KIAA2013: variants seen among roughly 807,000 people sequenced by gnomAD.
The protein encoded by KIAA2013 is uncharacterized protein KIAA2013.
A neutral mutation model predicts 39.9 loss-of-function variants in KIAA2013; 20 were observed. That is an observed-to-expected ratio of 0.50 (90% CI 0.35 to 0.73). The LOEUF (loss-of-function observed/expected upper bound fraction) is 0.73, where lower values mean the gene tolerates loss of function less well. Ranked by LOEUF, KIAA2013 falls within the 30% of genes least tolerant of loss-of-function variation. KIAA2013 has a pLI of 0.01. For missense variants in KIAA2013, 587 were observed against 856.1 expected, an observed-to-expected ratio of 0.69 and a Z score of 3.92; for synonymous variants, 336 against 416.6, an observed-to-expected ratio of 0.81 and a Z score of 2.35.
Position 11,926,053 on chromosome 1 carries a change from G to C in KIAA2013, c.185C>G (p.Pro62Arg), listed in dbSNP as rs1351195396. 3.1e-5 allele frequency: 46 copies of C among 1,468,542 alleles called. No homozygotes were observed. Among genetic ancestry groups the C allele is most frequent in the Non-Finnish European group, 3.8e-5 (43 of 1,119,194 alleles). 91.0% of individuals were successfully genotyped at this position (1,468,542 alleles called of 1,614,324 possible). A position where few individuals can be genotyped will look rare whatever the true frequency, so the allele number is the denominator to read the frequency against. The change falls in exon 1 of 3, where the codon CCG (proline) becomes CGG (arginine). Residue 62 changes from proline (P) to arginine (R), a missense_variant. Transcript: ENST00000376572. ...WSRGEPGAAEPSACLEAATRA... is the reference protein window; with the variant it reads ...WSRGEPGAAERSACLEAATRA... The stretch of plus-strand genomic sequence containing the variant: ...GGTGGCCGCCTCCAGGCAGGCAGAC[G>C]GCTCGGCGGCGCCCGGCTCACCGCG...
At chr1:11,922,389 G>C in intron 2 of KIAA2013, 1 of 1,437,330 alleles carries the variant, frequency 7.0e-7, no homozygotes, top group Non-Finnish European at 9.1e-7. Flanking sequence ...TTTATGATGC[G>C]GGAGGAGGGG....
Position 11,926,295 on chromosome 1 carries a change from C to A in KIAA2013, c.-58G>T. On this transcript the variant is annotated 5_prime_UTR_variant, in exon 1 of 3. Transcript: ENST00000376572. ...CGGCCGCCGGGCCCGCCGCCCAGCC[C>A]ACCGGCCCGGCCGCCCGCGCCTCAC... is the stretch of plus-strand genomic sequence containing the variant. The A allele has an allele frequency of 1.1e-6, 1 of 917,198 alleles. No homozygotes were observed. Among genetic ancestry groups the A allele is most frequent in the Non-Finnish European group, 1.3e-6 (1 of 758,078 alleles). The allele number at this position is 917,198 out of a possible 1,614,324, so 56.8% of individuals were successfully genotyped here.
intron 2 of KIAA2013, 108 bp from the exon 3 acceptor site, chr1:11,920,440 G>T: frequency 3.5e-6 from 4 of 1,152,448 alleles, no homozygotes; most frequent in South Asian, 2.5e-5. Flanking sequence ...CCCTGGCTCT[G>T]ACCCAGCCTT....
At chr1:11,920,474 G>T in intron 2 of KIAA2013, 142 bp from the exon 3 acceptor site, 1 of 837,908 alleles carries the variant, frequency 1.2e-6, no homozygotes, top group Non-Finnish European at 2.0e-6. Context: ...GGACTCAGTG[G>T]CCTGGGCCCT....
In KIAA2013 at chr1:11,926,066, C is replaced by T. The variant is rs1645505560; in HGVS notation, c.172G>A (p.Gly58Ser). Reference protein sequence around the residue: ...HLLPWSRGEPGAAEPSACLEA... With the variant: ...HLLPWSRGEPSAAEPSACLEA... ...AGGCAGGCAGACGGCTCGGCGGCGC[C>T]CGGCTCACCGCGGGACCAGGGCAGC... The change falls in exon 1 of 3, where the codon GGC (glycine) becomes AGC (serine). Residue 58 changes from glycine to serine, a missense_variant. Transcript: ENST00000376572. The T allele has an allele frequency of 2.1e-6, 3 of 1,456,660 alleles. No homozygotes were observed. The African/African-American group carries it at 4.5e-5, about 22-fold the overall frequency. 90.2% of individuals were successfully genotyped at this position (1,456,660 alleles called of 1,614,324 possible). A position where few individuals can be genotyped will look rare whatever the true frequency, so the allele number is the denominator to read the frequency against.
chr1:11,920,522 G>A (rs2100718392), intron 2 of KIAA2013, among the ~76,000 whole-genome samples, 190 bp from the exon 3 acceptor site: 1 of 152,320 alleles, frequency 6.6e-6, no homozygotes, highest in East Asian at 1.9e-4. Context: ...CTCTGGCATG[G>A]CCCAGCTTGA....
Position 11,926,052 on chromosome 1 carries a change from C to T in KIAA2013, c.186G>A (p.Pro62=), listed in dbSNP as rs1285104916. 18 of 1,468,300 alleles carry T rather than the reference C, an allele frequency of 1.2e-5. No homozygotes were observed. The highest frequency in any genetic ancestry group is 1.6e-5 in the Non-Finnish European group (18 of 1,118,976). 91.0% of individuals were successfully genotyped at this position (1,468,300 alleles called of 1,614,324 possible). ...GGGTGGCCGCCTCCAGGCAGGCAGA[C>T]GGCTCGGCGGCGCCCGGCTCACCGC... ...WSRGEPGAAE[P]SACLEAATRA... Residue 62 remains proline, a synonymous_variant, in exon 1 of 3, where the codon CCG becomes CCA. Transcript: ENST00000376572.
chr1:11,923,363 C>T lies in KIAA2013; in HGVS notation c.1160G>A (p.Arg387Gln), dbSNP rs756609223. Residue 387 changes from arginine (R) to glutamine (Q), a missense_variant, in exon 2 of 3, where the codon CGA (arginine) becomes CAA (glutamine). Arg to Gln is a conservative substitution (Grantham distance 43, BLOSUM62 1). Coordinates refer to ENST00000376572, the MANE Select transcript of KIAA2013 (RefSeq NM_138346.3). This position sits in a 1 kb window ranked among gnomAD's most constrained non-coding sequence, Gnocchi z 4.6. Reference protein sequence around the residue: ...LLSPSLSHRERDQMESTLNYE... With the variant: ...LLSPSLSHREQDQMESTLNYE... The stretch of plus-strand genomic sequence containing the variant: ...GTTGAGCGTCGACTCCATCTGGTCT[C>T]GCTCCCTGTGGCTCAGGGAGGGGCT... 21 of 1,613,270 alleles carry T rather than the reference C, an allele frequency of 1.3e-5. No individual in the cohort carries two copies. Among genetic ancestry groups the T allele is most frequent in the Admixed American group, 1.7e-5 (1 of 59,990 alleles).
At position 11,922,677 on chromosome 1, in the gene KIAA2013, C is replaced by A; in HGVS notation, c.1846G>T (p.Glu616Ter). ...GGCTTGGCTCCAGGCCCACAGTACT[C>A]GTTGTAGATGAGCTTGAAGAGGAAG... Reference protein sequence around the residue: ...HLFLFKLIYNEYCGPGAKPLF... With the variant: ...HLFLFKLIYN Residue 616 changes from glutamate to a stop codon, truncating the protein, a stop_gained, in exon 2 of 3, where the codon GAG (glutamate) becomes TAG (stop). Coordinates refer to ENST00000376572, the MANE Select transcript of KIAA2013 (RefSeq NM_138346.3). LOFTEE classifies it high-confidence loss of function. 1 of 1,613,626 alleles carries A rather than the reference C, an allele frequency of 6.2e-7. No homozygotes were observed. The highest frequency in any genetic ancestry group is 8.5e-7 in the Non-Finnish European group (1 of 1,179,852).
intron 2 of KIAA2013, among the ~76,000 whole-genome samples, chr1:11,920,736 G>A (rs144843969): frequency 3.9e-5 from 6 of 152,304 alleles, no homozygotes; most frequent in African/African-American, 9.6e-5. Flanking sequence ...GTTCAGAGGC[G>A]GCTCACAAGG....
chr1:11,922,439 C>T, intron 2 of KIAA2013, 197 bp downstream of exon 2: 2 of 1,460,306 alleles, frequency 1.4e-6, no homozygotes. Flanking sequence ...CAATTCACAC[C>T]TGGATTTCCA....
rs1363467664 is a variant in KIAA2013, at chr1:11,925,166, G to A, written c.1033+39C>T. 6.0e-6 allele frequency: 9 copies of A among 1,512,106 alleles called. No individual in the cohort carries two copies. The highest frequency in any genetic ancestry group is 8.0e-6 in the Non-Finnish European group (9 of 1,127,844). 93.7% of individuals were successfully genotyped at this position (1,512,106 alleles called of 1,614,324 possible). A position where few individuals can be genotyped will look rare whatever the true frequency, so the allele number is the denominator to read the frequency against. ...GTGTCACCTCTGCAGACTTGGGAGGGACATATCTAGGGTGGACCAAGCGCT... is the reference window on the plus strand; with the variant it reads ...GTGTCACCTCTGCAGACTTGGGAGGAACATATCTAGGGTGGACCAAGCGCT... On this transcript the variant is annotated intron_variant, in intron 1 of 2. Coordinates refer to ENST00000376572, the MANE Select transcript of KIAA2013 (RefSeq NM_138346.3). The surrounding 1 kb of genome is among the most constrained non-coding windows in gnomAD (Gnocchi z 5.2).
At position 11,926,048 on chromosome 1, in the gene KIAA2013, C is replaced by A; in HGVS notation, c.190G>T (p.Ala64Ser). ...RGEPGAAEPS[A>S]CLEAATRAWR... is the part of the protein sequence containing the mutation. The stretch of plus-strand genomic sequence containing the variant: ...GCGCGGGTGGCCGCCTCCAGGCAGG[C>A]AGACGGCTCGGCGGCGCCCGGCTCA... The change falls in exon 1 of 3, where the codon GCC becomes TCC. Residue 64 changes from alanine to serine, a missense_variant. By Grantham distance (99) the Ala-to-Ser change is moderately conservative (BLOSUM62 1). Transcript: ENST00000376572. 6.7e-7 allele frequency: 1 copy of A among 1,487,136 alleles called. No individual in the cohort carries two copies. Among genetic ancestry groups the A allele is most frequent in the Non-Finnish European group, 8.9e-7 (1 of 1,126,078 alleles). The allele number at this position is 1,487,136 out of a possible 1,614,324, so 92.1% of individuals were successfully genotyped here.
rs779817051 is a variant in KIAA2013 at position 11,923,148 on chromosome 1, C to T, written c.1375G>A (p.Gly459Arg). Residue 459 changes from glycine to arginine, a missense_variant, in exon 2 of 3, where the codon GGG becomes AGG. Gly to Arg is a moderately radical substitution (Grantham distance 125). Transcript: ENST00000376572. The surrounding 1 kb of genome is among the most constrained non-coding windows in gnomAD (Gnocchi z 4.6). ...GILQGMVLSF[G>R]GLQFTENHLQ... The stretch of plus-strand genomic sequence containing the variant: ...TGGTTCTCTGTGAACTGCAGCCCCC[C>T]AAAGCTGAGCACCATCCCCTGCAGG... The T allele has an allele frequency of 5.6e-6, 9 of 1,612,348 alleles. No homozygotes were observed. The African/African-American group carries it at 9.3e-5, about 17-fold the overall frequency.
chr1:11,921,656 T>A (rs1437684345), intron 2 of KIAA2013, among the ~76,000 whole-genome samples: 1 of 151,894 alleles, frequency 6.6e-6, no homozygotes, highest in African/African-American at 2.4e-5. Flanking sequence ...TTCAAGCAAT[T>A]CTCCTGCCTC....
Position 11,923,189 on chromosome 1 carries a change from A to C in KIAA2013, c.1334T>G (p.Val445Gly). ...CCCCTGCAGGATGCCTGGGGCACCC[A>C]CCTTCACCAGCCCCTTGCAGCCACG... ...QKRGCKGLVK[V>G]GAPGILQGMV... The change falls in exon 2 of 3, where the codon GTG becomes GGG. Residue 445 changes from valine (V) to glycine (G), a missense_variant. Val to Gly is a moderately radical substitution (Grantham distance 109). Transcript: ENST00000376572. This position sits in a 1 kb window ranked among gnomAD's most constrained non-coding sequence, Gnocchi z 4.6. 6.2e-7 allele frequency: 1 copy of C among 1,613,374 alleles called. No individual in the cohort carries two copies. Among genetic ancestry groups the C allele is most frequent in the African/African-American group, 1.3e-5 (1 of 75,024 alleles).
In KIAA2013 at chr1:11,923,478, T is replaced by C; in HGVS notation, c.1045A>G (p.Lys349Glu). 6.2e-7 allele frequency: 1 copy of C among 1,605,196 alleles called. No individual in the cohort carries two copies. The highest frequency in any genetic ancestry group is 8.5e-7 in the Non-Finnish European group (1 of 1,179,970). Residue 349 changes from lysine (K) to glutamate (E), a missense_variant, in exon 2 of 3, where the codon AAG (lysine) becomes GAG (glutamate). Coordinates refer to ENST00000376572, the MANE Select transcript of KIAA2013 (RefSeq NM_138346.3). This position sits in a 1 kb window ranked among gnomAD's most constrained non-coding sequence, Gnocchi z 4.6. Reference sequence around the variant, plus strand: ...GGCGTGTGGGTGTCAGTGATCTTCTTCATTTCCACTCCTGCAACACCATGA... The same window carrying C: ...GGCGTGTGGGTGTCAGTGATCTTCTCCATTTCCACTCCTGCAACACCATGA... ...AQLFSPGVEM[K>E]KITDTHTPSG...
rs766736093 is a variant in KIAA2013 at position 11,925,182 on chromosome 1, A to G, written c.1033+23T>C. On this transcript the variant is annotated intron_variant, in intron 1 of 2. Transcript: ENST00000376572. The surrounding 1 kb of genome is among the most constrained non-coding windows in gnomAD (Gnocchi z 5.2). ...CTTGGGAGGGACATATCTAGGGTGG[A>G]CCAAGCGCTGGCCAGGACTCACCTG... is the stretch of plus-strand genomic sequence containing the variant. 2.6e-6 allele frequency: 4 copies of G among 1,542,932 alleles called. No homozygotes were observed. The Admixed American group carries it at 7.8e-5, about 30-fold the overall frequency.
At position 11,923,518 on chromosome 1, in the gene KIAA2013, G is replaced by A. The variant is rs1239007369; in HGVS notation, c.1034-29C>T. On this transcript the variant is annotated intron_variant, in intron 1 of 2. Transcript: ENST00000376572. This position sits in a 1 kb window ranked among gnomAD's most constrained non-coding sequence, Gnocchi z 4.6. ...CAACACCATGAAAGCGGCATGTTAA[G>A]GGGGAAGGACAGCTGGGAGGCAGAG... is the stretch of plus-strand genomic sequence containing the variant. 1.0e-5 allele frequency: 16 copies of A among 1,599,456 alleles called. No homozygotes were observed. Among genetic ancestry groups the A allele is most frequent in the East Asian group, 2.2e-5 (1 of 44,872 alleles).
Sources: allele counts gnomAD v4.1 joint callset (sites outside exome capture counted in the v4.1 genomes callset), GRCh38; gene constraint gnomAD v4.1.1; non-coding constraint Gnocchi (gnomAD v3.1); transcripts MANE v1.5; gene names NCBI Gene and HGNC (gene_info 2026-07-23, HGNC 2026-07-21).